Variants in NFATC3 observed in about 807,000 individuals in gnomAD.
The protein encoded by NFATC3 is nuclear factor of activated T cells 3.
In NFATC3, 46 loss-of-function variants were observed where a neutral mutation model predicts 98.6. The ratio of observed to expected loss-of-function variants is 0.47; its 90% CI spans 0.37 to 0.60. The LOEUF (loss-of-function observed/expected upper bound fraction) is 0.60, where lower values mean the gene tolerates loss of function less well. Among genes scored for constraint, NFATC3 ranks in the 20% least tolerant of loss-of-function variants. The probability of loss-of-function intolerance (pLI) is 0.00; values close to 1 mark genes in which losing one functional copy is unlikely to be tolerated. For missense variants in NFATC3, 1,256 were observed against 1,295.5 expected (o/e 0.97, Z 0.47); for synonymous variants, 512 against 472.2 (o/e 1.08, Z -1.09).
At position 68,135,150 on chromosome 16, in the gene NFATC3, A is replaced by G. The variant is rs2037322345; in HGVS notation, c.1401+8540A>G. ...AGTGCACAAGTGAGAAATAGATGCAATTTAATCTCAAATGAAACTGAACTG... is the reference window on the plus strand; with the variant it reads ...AGTGCACAAGTGAGAAATAGATGCAGTTTAATCTCAAATGAAACTGAACTG... On this transcript the variant is annotated intron_variant, in intron 3 of 9. Coordinates refer to ENST00000346183, the MANE Select transcript of NFATC3 (RefSeq NM_173165.3). Among the ~76,000 whole-genome samples the G allele has an allele frequency of 2.0e-5, 3 of 152,068 alleles. No individual in the cohort carries two copies. The South Asian group carries it at 6.2e-4, about 32-fold the overall frequency.
At chr16:68,174,831 C>G (rs879702337) in intron 6 of NFATC3, among the ~76,000 whole-genome samples, 6 of 152,142 alleles carry the variant, frequency 3.9e-5, no homozygotes, top group Non-Finnish European at 8.8e-5. Flanking sequence ...GCCTGGGCAA[C>G]AGAGTGAAAC....
chr16:68,086,883 G>A, intron 1 of NFATC3: 1 of 736,886 alleles, frequency 1.4e-6, no homozygotes, highest in Non-Finnish European at 1.7e-6. Context: ...TTATGTGTTG[G>A]CTGCGTTTAT....
chr16:68,131,478 A>G (rs771579236), intron 3 of NFATC3, among the ~76,000 whole-genome samples: 1 of 152,016 alleles, frequency 6.6e-6, no homozygotes, highest in Non-Finnish European at 1.5e-5. Flanking sequence ...GGGTTTTACC[A>G]TGTTGTCCAG....
chr16:68,117,606 C>T (rs761325658), intron 1 of NFATC3, among the ~76,000 whole-genome samples: 42 of 152,210 alleles, frequency 2.8e-4, no homozygotes, highest in Non-Finnish European at 5.6e-4. Flanking sequence ...ATCTCAGGCT[C>T]AAACGACCCT....
intron 6 of NFATC3, among the ~76,000 whole-genome samples, chr16:68,178,458 T>G (rs2039813759): frequency 6.6e-6 from 1 of 152,224 alleles, no homozygotes; most frequent in Non-Finnish European, 1.5e-5. Flanking sequence ...CAGTGCTATG[T>G]GATATAGACA....
intron 1 of NFATC3, among the ~76,000 whole-genome samples, chr16:68,102,327 G>A (rs944484192): frequency 7.8e-6 from 1 of 128,562 alleles, no homozygotes; most frequent in Admixed American, 9.5e-5. Context: ...AGCCGAGATT[G>A]CACTACTGCA....
intron 9 of NFATC3, among the ~76,000 whole-genome samples, chr16:68,222,709 G>A (rs1331674755): frequency 1.3e-5 from 2 of 152,152 alleles, no homozygotes; most frequent in Admixed American, 1.3e-4. Context: ...TTGAATTAGG[G>A]TCCATTTATT....
chr16:68,098,826 C>G (rs969722424), intron 1 of NFATC3, among the ~76,000 whole-genome samples: 5 of 152,064 alleles, frequency 3.3e-5, no homozygotes, highest in Admixed American at 2.6e-4. Flanking sequence ...TATTTGCTAT[C>G]TTTTTTGGTT....
At chr16:68,162,787 C>T (rs949770738) in intron 4 of NFATC3, among the ~76,000 whole-genome samples, 1 of 150,900 alleles carries the variant, frequency 6.6e-6, no homozygotes, top group African/African-American at 2.4e-5. Flanking sequence ...GGGTGTTTCT[C>T]GCAGAGGGGG....
At chr16:68,114,026 A>G (rs150788247) in intron 1 of NFATC3, among the ~76,000 whole-genome samples, 1,679 of 152,300 alleles carry the variant, frequency 0.011, 16 homozygotes, top group Non-Finnish European at 0.016. Flanking sequence ...GCTGCTAGCC[A>G]CAACCTGAGC....
chr16:68,156,100 C>T (rs2038600125), intron 3 of NFATC3, among the ~76,000 whole-genome samples: 1 of 152,022 alleles, frequency 6.6e-6, no homozygotes, highest in Admixed American at 6.6e-5. Context: ...CGCCTGAGGT[C>T]AGGAGTTTGA....
At chr16:68,196,767 C>T (rs562965749) in intron 9 of NFATC3, among the ~76,000 whole-genome samples, 8 of 152,198 alleles carry the variant, frequency 5.3e-5, no homozygotes, top group African/African-American at 1.9e-4. Context: ...CGCAGTGGCT[C>T]ACTCCTGTAT....
At chr16:68,189,372 G>C (rs1257163417) in intron 8 of NFATC3, 1 of 214,030 alleles carries the variant, frequency 4.7e-6, no homozygotes, top group African/African-American at 2.3e-5. Flanking sequence ...ATTTATTCCA[G>C]CTTGGCTTTT....
intron 9 of NFATC3, among the ~76,000 whole-genome samples, chr16:68,223,593 C>T (rs908832750): frequency 6.6e-6 from 1 of 152,034 alleles, no homozygotes; most frequent in African/African-American, 2.4e-5. Context: ...CAGAGCGAGA[C>T]CCTGTCTCTT....
intron 9 of NFATC3, among the ~76,000 whole-genome samples, chr16:68,198,551 A>G (rs1214677778): frequency 6.6e-6 from 1 of 152,174 alleles, no homozygotes; most frequent in East Asian, 1.9e-4. Context: ...CAAAGAATAC[A>G]TGAAAGAAAA....
At chr16:68,176,350 CTT>C (rs534346720) in intron 6 of NFATC3, among the ~76,000 whole-genome samples, 1 of 143,914 alleles carries the variant, frequency 6.9e-6, no homozygotes, top group African/African-American at 2.5e-5. Flanking sequence ...TGCTCAACAT[CTT>C]TTTTTTTTTT....
chr16:68,134,117 TTTC>T (rs1347434483), intron 3 of NFATC3, among the ~76,000 whole-genome samples: 6 of 152,346 alleles, frequency 3.9e-5, no homozygotes, highest in African/African-American at 1.4e-4. Context: ...TAATTTGTGA[TTTC>T]TTGATTACCA....
intron 1 of NFATC3, among the ~76,000 whole-genome samples, chr16:68,112,266 G>GTTT (rs1488610821): frequency 4.3e-5 from 5 of 117,240 alleles, no homozygotes; most frequent in Admixed American, 8.8e-5. Context: ...TGTAGGTTCA[G>GTTT]TCTTTTTTTT....
chr16:68,202,552 C>G (rs991061958), intron 9 of NFATC3, among the ~76,000 whole-genome samples: 1 of 152,156 alleles, frequency 6.6e-6, no homozygotes, highest in South Asian at 2.1e-4. Flanking sequence ...TGGCTGACGC[C>G]TGTAATCCCA....
Sources: allele counts gnomAD v4.1 joint callset (sites outside exome capture counted in the v4.1 genomes callset), GRCh38; gene constraint gnomAD v4.1.1; transcripts MANE v1.5; gene names NCBI Gene and HGNC (gene_info 2026-07-23, HGNC 2026-07-21).